The following UBE2E2 variants were observed in gnomAD, a reference collection of about 807,000 sequenced individuals.
UBE2E2 encodes the protein ubiquitin conjugating enzyme E2 E2.
In UBE2E2, 6 loss-of-function variants were observed where a neutral mutation model predicts 24.7. The observed-to-expected ratio is 0.24, with a 90% confidence interval of 0.13 to 0.48. UBE2E2 has a LOEUF of 0.48. Among genes scored for constraint, UBE2E2 ranks in the 20% least tolerant of loss-of-function variants. UBE2E2 has a pLI of 0.99. For synonymous variants in UBE2E2, 104 were observed against 83.6 expected (o/e 1.24, Z -1.33); for missense variants, 169 against 245.0 (o/e 0.69, Z 2.07).
intron 3 of UBE2E2, among the ~76,000 whole-genome samples, chr3:23,344,527 G>A (rs377014169): frequency 2.7e-4 from 41 of 151,640 alleles, no homozygotes; most frequent in African/African-American, 7.7e-4. Context: ...CAGTCTCTCC[G>A]AGTTGCGTCC....
chr3:23,528,471 C>T (rs943547451), intron 4 of UBE2E2, among the ~76,000 whole-genome samples: 5 of 152,052 alleles, frequency 3.3e-5, no homozygotes, highest in Admixed American at 6.6e-5. Context: ...AGCAGCACCC[C>T]GAGAGTGGTG....
chr3:23,268,734 C>T (rs1237332051), intron 3 of UBE2E2, among the ~76,000 whole-genome samples: 6 of 148,976 alleles, frequency 4.0e-5, no homozygotes, highest in East Asian at 2.0e-4. Flanking sequence ...AAAAAGAGCC[C>T]GCATTGCCAA....
intron 3 of UBE2E2, among the ~76,000 whole-genome samples, chr3:23,352,771 C>T (rs1368368824): frequency 6.6e-6 from 1 of 152,204 alleles, no homozygotes; most frequent in South Asian, 2.1e-4. Context: ...GAGTCCAGGA[C>T]CAGATGGATT....
chr3:23,415,147 T>G (rs1697591108), intron 3 of UBE2E2, among the ~76,000 whole-genome samples: 1 of 152,202 alleles, frequency 6.6e-6, no homozygotes, highest in Non-Finnish European at 1.5e-5. Flanking sequence ...CTGATAAAAT[T>G]TATTTCTAAC....
At position 23,217,140 on chromosome 3, in the gene UBE2E2, A is replaced by G. The variant is rs551787066; in HGVS notation, c.177-122A>G. The G allele has an allele frequency of 2.9e-4, 253 of 883,026 alleles. 4 individuals carry two copies. Among genetic ancestry groups the G allele is most frequent in the South Asian group, 2.9e-3 (167 of 58,450 alleles). 54.7% of individuals were successfully genotyped at this position (883,026 alleles called of 1,614,324 possible). ...GTTTGTTGGATGTGATTCTTTATAC[A>G]GTATTAGTATTTCAAACTAATATAC... On this transcript the variant is annotated intron_variant, in intron 2 of 5. Transcript: ENST00000396703.
chr3:23,497,718 C>A (rs1699634749), intron 3 of UBE2E2, among the ~76,000 whole-genome samples: 1 of 152,134 alleles, frequency 6.6e-6, no homozygotes, highest in Non-Finnish European at 1.5e-5. Flanking sequence ...TATTTCTAGG[C>A]TAGTGCGTTG....
intron 4 of UBE2E2, among the ~76,000 whole-genome samples, chr3:23,518,186 G>T (rs1195693846): frequency 6.6e-6 from 1 of 152,128 alleles, no homozygotes; most frequent in Non-Finnish European, 1.5e-5. Flanking sequence ...TGTGAATGAA[G>T]CAAGATACTC....
chr3:23,457,177 G>C (rs1159986129), intron 3 of UBE2E2, among the ~76,000 whole-genome samples: 1 of 152,164 alleles, frequency 6.6e-6, no homozygotes, highest in Non-Finnish European at 1.5e-5. Context: ...TATATATGCT[G>C]CGTGTATAGA....
At chr3:23,449,077 A>G (rs1575637440) in intron 3 of UBE2E2, among the ~76,000 whole-genome samples, 2 of 152,222 alleles carry the variant, frequency 1.3e-5, no homozygotes, top group African/African-American at 4.8e-5. Context: ...TTGTAAGTAT[A>G]CTAGCAGAAA....
chr3:23,442,081 A>G (rs774378422), intron 3 of UBE2E2, among the ~76,000 whole-genome samples: 5 of 152,182 alleles, frequency 3.3e-5, no homozygotes, highest in Non-Finnish European at 7.3e-5. Flanking sequence ...TGTGTAATAC[A>G]TGCTACAAAA....
At chr3:23,579,186 A>T (rs914135376) in intron 5 of UBE2E2, among the ~76,000 whole-genome samples, 1 of 152,008 alleles carries the variant, frequency 6.6e-6, no homozygotes, top group African/African-American at 2.4e-5. Flanking sequence ...AGGTCAGGAG[A>T]TCGAGACCTT....
At chr3:23,281,620 A>G (rs1698492232) in intron 3 of UBE2E2, among the ~76,000 whole-genome samples, 1 of 152,222 alleles carries the variant, frequency 6.6e-6, no homozygotes, top group Non-Finnish European at 1.5e-5. Context: ...CCTGGGTGAC[A>G]TAGCAAGATC....
intron 3 of UBE2E2, among the ~76,000 whole-genome samples, chr3:23,403,347 A>C (rs1479740818): frequency 6.6e-6 from 1 of 152,236 alleles, no homozygotes; most frequent in African/African-American, 2.4e-5. Context: ...TTTTAAAATC[A>C]AACCTTGTGT....
At chr3:23,462,528 T>G (rs1197832626) in intron 3 of UBE2E2, among the ~76,000 whole-genome samples, 2 of 152,072 alleles carry the variant, frequency 1.3e-5, no homozygotes, top group Non-Finnish European at 2.9e-5. Context: ...TCCTCATGTT[T>G]CTTCACCCCA....
intron 3 of UBE2E2, among the ~76,000 whole-genome samples, chr3:23,259,585 AGTCTT>A (rs1174062822): frequency 6.6e-6 from 1 of 151,530 alleles, no homozygotes; most frequent in African/African-American, 2.4e-5. Flanking sequence ...AAAAAAAAAA[AGTCTT>A]GACTCAAATA....
intron 5 of UBE2E2, among the ~76,000 whole-genome samples, chr3:23,566,685 G>A (rs60221455): frequency 0.26 from 39,169 of 151,900 alleles, 5,500 homozygotes; most frequent in East Asian, 0.36. Context: ...TGAACAACCA[G>A]ATCTCATTAC....
chr3:23,239,219 G>A (rs1697194399), intron 3 of UBE2E2, among the ~76,000 whole-genome samples: 1 of 152,068 alleles, frequency 6.6e-6, no homozygotes, highest in South Asian at 2.1e-4. Flanking sequence ...AGTTATCGAG[G>A]TAATAGGACT....
At chr3:23,416,161 T>C (rs542768317) in intron 3 of UBE2E2, among the ~76,000 whole-genome samples, 2 of 152,240 alleles carry the variant, frequency 1.3e-5, no homozygotes, top group Admixed American at 1.3e-4. Context: ...GCATTTGGGT[T>C]AGTTCCAAGT....
At chr3:23,491,676 A>G (rs1196431807) in intron 3 of UBE2E2, among the ~76,000 whole-genome samples, 1 of 152,242 alleles carries the variant, frequency 6.6e-6, no homozygotes, top group Non-Finnish European at 1.5e-5. Context: ...CCAATTCTTT[A>G]TGAAAGACTT....
Sources: gnomAD v4.1 joint callset for allele counts (sites outside exome capture counted in the v4.1 genomes callset) on GRCh38, gnomAD v4.1.1 for gene constraint, MANE v1.5 for transcripts, NCBI Gene and HGNC (gene_info 2026-07-23, HGNC 2026-07-21) for gene names.